OGDH: variants seen among roughly 807,000 people sequenced by gnomAD.
OGDH encodes the protein 2-oxoglutarate dehydrogenase complex component E1.
OGDH carries 38 observed loss-of-function variants against 116.6 expected under a neutral mutation model. That is an observed-to-expected ratio of 0.33 (90% CI 0.25 to 0.43). OGDH has a LOEUF of 0.43. OGDH is among the 20% of genes least tolerant of loss of function. The pLI is 1.00. For synonymous variants in OGDH, 488 were observed against 533.3 expected (o/e 0.92, Z 1.17); for missense variants, 825 against 1,357.2 (o/e 0.61, Z 6.16).
chr7:44,611,745 C>G (rs533890060), intron 1 of OGDH, among the ~76,000 whole-genome samples: 1 of 151,424 alleles, frequency 6.6e-6, no homozygotes, highest in Non-Finnish European at 1.5e-5. Context: ...ACATTTAAAT[C>G]TATGATTCAT....
At chr7:44,655,690 T>G (rs1252351507) in intron 4 of OGDH, among the ~76,000 whole-genome samples, 1 of 152,230 alleles carries the variant, frequency 6.6e-6, no homozygotes. Flanking sequence ...AAAGCTGTTA[T>G]GTATAGTAGA....
intron 6 of OGDH, 60 bp from the exon 7 acceptor site, chr7:44,674,351 C>G: frequency 1.2e-6 from 2 of 1,606,682 alleles, no homozygotes; most frequent in Non-Finnish European, 1.7e-6. Context: ...GGCCAGAATC[C>G]CCTCTTTTTG....
At chr7:44,688,335 C>T (rs1335143068) in intron 10 of OGDH, among the ~76,000 whole-genome samples, 1 of 151,734 alleles carries the variant, frequency 6.6e-6, no homozygotes, top group Non-Finnish European at 1.5e-5. Flanking sequence ...CACGCCATTG[C>T]ACCACAGCCT....
intron 2 of OGDH, among the ~76,000 whole-genome samples, chr7:44,638,270 G>A (rs770785097): frequency 3.3e-5 from 5 of 152,104 alleles, no homozygotes; most frequent in East Asian, 3.9e-4. Flanking sequence ...GCACACCCAC[G>A]TACGTCATTG....
chr7:44,670,552 A>G (rs762011248), intron 5 of OGDH, among the ~76,000 whole-genome samples: 1 of 152,098 alleles, frequency 6.6e-6, no homozygotes, highest in Non-Finnish European at 1.5e-5. Context: ...GCTGGTCAGT[A>G]CCTTGGGCAC....
At chr7:44,620,340 A>T (rs997572954) in intron 1 of OGDH, among the ~76,000 whole-genome samples, 8 of 152,152 alleles carry the variant, frequency 5.3e-5, no homozygotes, top group African/African-American at 1.9e-4. Flanking sequence ...ATTTTGATGA[A>T]ATCCAATTTG....
At chr7:44,669,134 G>A (rs1012395086) in intron 5 of OGDH, among the ~76,000 whole-genome samples, 2 of 129,262 alleles carry the variant, frequency 1.5e-5, no homozygotes, top group African/African-American at 6.7e-5. Flanking sequence ...CCCCTGTGGG[G>A]AGCCCGGCAG....
chr7:44,668,972 A>G (rs1450297534), intron 5 of OGDH, among the ~76,000 whole-genome samples: 2 of 152,054 alleles, frequency 1.3e-5, no homozygotes, highest in Non-Finnish European at 2.9e-5. Context: ...CACCCCATAT[A>G]GCTTCTCCAA....
Position 44,656,483 on chromosome 7 carries a change from A to G in OGDH, c.517+8724A>G. On this transcript the variant is annotated intron_variant, in intron 4 of 22. Transcript: ENST00000222673. ...ACGCAACTTCTGTCACGTGTTTTTA[A>G]GTTTGTTAATTGTTCTGAAATGTGT... 4 of 857,156 alleles carry G rather than the reference A, an allele frequency of 4.7e-6. No homozygotes were observed. The South Asian group carries it at 6.1e-5, about 13-fold the overall frequency. The allele number at this position is 857,156 out of a possible 1,614,324, so 53.1% of individuals were successfully genotyped here.
At chr7:44,671,386 A>G (rs879257547) in intron 5 of OGDH, among the ~76,000 whole-genome samples, 1 of 152,182 alleles carries the variant, frequency 6.6e-6, no homozygotes, top group Non-Finnish European at 1.5e-5. Flanking sequence ...CTCACAAACA[A>G]AACATCTCCC....
chr7:44,609,405 G>A (rs1165505693), intron 1 of OGDH, among the ~76,000 whole-genome samples: 1 of 150,796 alleles, frequency 6.6e-6, no homozygotes, highest in African/African-American at 2.4e-5. Context: ...AGCTACTCAG[G>A]AAGCTGAGGT....
intron 2 of OGDH, among the ~76,000 whole-genome samples, chr7:44,643,058 G>A (rs1265539244): frequency 2.1e-5 from 3 of 145,220 alleles, no homozygotes; most frequent in South Asian, 4.3e-4. Flanking sequence ...GGGAGTTTGA[G>A]ACCAGTTTGG....
intron 10 of OGDH, among the ~76,000 whole-genome samples, chr7:44,682,384 T>G (rs1292899579): frequency 7.0e-6 from 1 of 142,502 alleles, no homozygotes; most frequent in East Asian, 2.0e-4. Flanking sequence ...AAACTCCATT[T>G]CAAAAAAAAA....
Position 44,672,643 on chromosome 7 carries a change from TG to T in OGDH, c.634-1143del, listed in dbSNP as rs770680577. Among the ~76,000 whole-genome samples, 32 of 146,824 alleles carry T rather than the reference TG, an allele frequency of 2.2e-4. 2 individuals carry two copies. The highest frequency in any genetic ancestry group is 7.9e-4 in the East Asian group (4 of 5,040). On this transcript the variant is annotated intron_variant, in intron 5 of 22. Transcript: ENST00000222673. The stretch of plus-strand genomic sequence containing the variant: ...CCGAGAGGGATTTCTTTTTGTTTTT[TG>T]TTTTTTTTTTTTTTTTGAGATGGAG...
At chr7:44,655,825 A>G (rs1046917903) in intron 4 of OGDH, among the ~76,000 whole-genome samples, 2 of 152,224 alleles carry the variant, frequency 1.3e-5, no homozygotes, top group Non-Finnish European at 2.9e-5. Context: ...TGGGAGATCA[A>G]GGAATCCTTC....
At chr7:44,634,017 GGCACCA>G (rs1319947568) in intron 2 of OGDH, among the ~76,000 whole-genome samples, 18 of 152,276 alleles carry the variant, frequency 1.2e-4, no homozygotes, top group Middle Eastern at 3.4e-3. Context: ...CTCAAAACTT[GGCACCA>G]GTGTAGCATG....
In OGDH at chr7:44,610,359, G is replaced by A. The variant is rs555713848; in HGVS notation, c.-28+3706G>A. Among the ~76,000 whole-genome samples the A allele has an allele frequency of 4.6e-5, 7 of 152,074 alleles. No individual in the cohort carries two copies. The South Asian group carries it at 1.5e-3, about 32-fold the overall frequency. ...GGAGTCTCGTTCTGTCCCCCAGGCT[G>A]GAGTGCAGTGGCGTAATCTCTACAA... On this transcript the variant is annotated intron_variant, in intron 1 of 22. Coordinates refer to ENST00000222673, the MANE Select transcript of OGDH (RefSeq NM_002541.4).
chr7:44,631,792 T>G (rs3757565), intron 2 of OGDH, among the ~76,000 whole-genome samples: 46,595 of 151,906 alleles, frequency 0.31, 8,581 homozygotes, highest in Non-Finnish European at 0.41. Context: ...ACAGTTAAAA[T>G]TCTAGCTCTC....
At chr7:44,622,333 C>G (rs921511929) in intron 1 of OGDH, among the ~76,000 whole-genome samples, 3 of 151,850 alleles carry the variant, frequency 2.0e-5, no homozygotes, top group Non-Finnish European at 4.4e-5. Flanking sequence ...GAAGAACTAC[C>G]GAATTAACTT....
Sources: gnomAD v4.1 joint callset for allele counts (sites outside exome capture counted in the v4.1 genomes callset) on GRCh38, gnomAD v4.1.1 for gene constraint, MANE v1.5 for transcripts, NCBI Gene and HGNC (gene_info 2026-07-23, HGNC 2026-07-21) for gene names.